The following CD99L2 variants were observed in gnomAD, a reference collection of about 807,000 sequenced individuals.
The protein encoded by CD99L2 is CD99 antigen-like protein 2.
Under a neutral mutation model 27.3 loss-of-function variants are expected in CD99L2, and 24 were observed. That is an observed-to-expected ratio of 0.88 (90% CI 0.64 to 1.24). The LOEUF (loss-of-function observed/expected upper bound fraction) is 1.24. Ranked by LOEUF, CD99L2 falls within the 50% of genes most tolerant of loss-of-function variation. The pLI is 0.00. For synonymous variants in CD99L2, 97 were observed against 87.9 expected (o/e 1.10, Z -0.58); for missense variants, 255 against 221.6 (o/e 1.15, Z -0.96).
intron 2 of CD99L2, among the ~76,000 whole-genome samples, chrX:150,824,125 G>A (rs1390944964): frequency 2.3e-5 from 1 of 43,655 alleles, no homozygotes. Context: ...AAGAAGGAAG[G>A]AGGAGGAGGA....
At chrX:150,823,540 C>G (rs2046271910) in intron 2 of CD99L2, among the ~76,000 whole-genome samples, 1 of 111,649 alleles carries the variant, frequency 9.0e-6, no homozygotes, top group Non-Finnish European at 1.9e-5. Context: ...CCTGCCTCAC[C>G]CTCCCCAAGT....
intron 2 of CD99L2, among the ~76,000 whole-genome samples, chrX:150,827,949 A>C (rs1557420970): frequency 8.9e-6 from 1 of 111,963 alleles, no homozygotes; most frequent in East Asian, 2.8e-4. Context: ...AACTGACCAT[A>C]GATCTAAGGG....
intron 1 of CD99L2, among the ~76,000 whole-genome samples, chrX:150,848,001 T>C (rs1371811789): frequency 9.1e-6 from 1 of 109,987 alleles, no homozygotes; most frequent in Non-Finnish European, 1.9e-5. Flanking sequence ...GGAGTCCTCC[T>C]TTTTCCTTTT....
chrX:150,790,575 C>G (rs1258615943), intron 7 of CD99L2, among the ~76,000 whole-genome samples: 1 of 111,530 alleles, frequency 9.0e-6, no homozygotes, highest in Non-Finnish European at 1.9e-5. Context: ...ACACTGGACT[C>G]TAGTTGGTAA....
At chrX:150,849,833 C>G (rs1039098049) in intron 1 of CD99L2, among the ~76,000 whole-genome samples, 87 of 111,779 alleles carry the variant, frequency 7.8e-4, no homozygotes, top group African/African-American at 2.7e-3. Flanking sequence ...GAGTAAGAAC[C>G]CACTGATTCC....
At chrX:150,869,342 C>T (rs1049770567) in intron 1 of CD99L2, among the ~76,000 whole-genome samples, 5 of 111,881 alleles carry the variant, frequency 4.5e-5, no homozygotes, top group Admixed American at 1.9e-4. Context: ...CACCCACATC[C>T]GACCCATCAA....
chrX:150,778,682 A>AT (rs1569565877), intron 7 of CD99L2, among the ~76,000 whole-genome samples: 1,218 of 20,311 alleles, frequency 0.06, 27 homozygotes, highest in African/African-American at 0.093. Flanking sequence ...ATAAAAAAAA[A>AT]AAAATATATA....
At chrX:150,814,743 C>G in intron 4 of CD99L2, 119 bp downstream of exon 4, 1 of 579,541 alleles carries the variant, frequency 1.7e-6, no homozygotes. Context: ...ACAGGGTTCT[C>G]CAGTGGCTTG....
At chrX:150,861,804 G>A (rs2046981948) in intron 1 of CD99L2, among the ~76,000 whole-genome samples, 1 of 109,642 alleles carries the variant, frequency 9.1e-6, no homozygotes, top group African/African-American at 3.3e-5. Flanking sequence ...TACTCGGGAG[G>A]CTGAGGCAGG....
intron 1 of CD99L2, among the ~76,000 whole-genome samples, chrX:150,837,689 A>G (rs2046554434): frequency 8.9e-6 from 1 of 112,559 alleles, no homozygotes; most frequent in African/African-American, 3.2e-5. Flanking sequence ...CAATTTGAAG[A>G]ACAAAATAAA....
intron 4 of CD99L2, among the ~76,000 whole-genome samples, chrX:150,802,249 T>C (rs782476998): frequency 9.0e-6 from 1 of 111,202 alleles, no homozygotes; most frequent in East Asian, 2.9e-4. Flanking sequence ...AACCCAAAAT[T>C]AGCCATTCAC....
intron 6 of CD99L2, among the ~76,000 whole-genome samples, chrX:150,794,637 G>C (rs782323925): frequency 2.1e-4 from 24 of 111,984 alleles, no homozygotes; most frequent in South Asian, 1.9e-3. Flanking sequence ...GCTTTTGTTG[G>C]GGCCAAGTTT....
chrX:150,768,600 A>G lies in CD99L2; in HGVS notation c.*434T>C. 7.6e-6 allele frequency: 1 copy of G among 131,020 alleles called. No individual in the cohort carries two copies. The highest frequency in any genetic ancestry group is 1.5e-5 in the Non-Finnish European group (1 of 65,322). 10.8% of individuals were successfully genotyped at this position (131,020 alleles called of 1,213,427 possible). On this transcript the variant is annotated 3_prime_UTR_variant, in exon 11 of 11. Transcript: ENST00000370377. ...CCTGCAGCTCCTTGAGGCCACTGTC[A>G]GGGGCTGTCTATTGGCAGAAACCTG...
intron 1 of CD99L2, among the ~76,000 whole-genome samples, chrX:150,845,020 C>G (rs782413691): frequency 1.8e-5 from 2 of 112,392 alleles, no homozygotes; most frequent in African/African-American, 6.4e-5. Flanking sequence ...AATTTAAATG[C>G]AGGGGAAGGA....
chrX:150,826,062 G>A (rs2046362715), intron 2 of CD99L2, among the ~76,000 whole-genome samples: 1 of 111,362 alleles, frequency 9.0e-6, no homozygotes, highest in Non-Finnish European at 1.9e-5. Context: ...TCTCACAAAT[G>A]GGATTAGTGC....
rs1237722718 is a variant in CD99L2, at chrX:150,824,381, A to AAG, written c.130+6849_130+6850insCT. On this transcript the variant is annotated intron_variant, in intron 2 of 10. Coordinates refer to ENST00000370377, the MANE Select transcript of CD99L2 (RefSeq NM_031462.4). Reference sequence around the variant, plus strand: ...AAGAAGGAAGAAGAAGAAGAAGAAGAAAGAAGAAGAAGAAGAAGAAAGAAG... The same window carrying AAG: ...AAGAAGGAAGAAGAAGAAGAAGAAGAAGAAGAAGAAGAAGAAGAAGAAAGAAG... Among the ~76,000 whole-genome samples, 25 of 86,636 alleles carry AAG rather than the reference A, an allele frequency of 2.9e-4. 1 individual carries two copies. Among genetic ancestry groups the AAG allele is most frequent in the African/African-American group, 9.7e-4 (22 of 22,796 alleles). 75.2% of individuals were successfully genotyped at this position (86,636 alleles called of 115,157 possible). A position where few individuals can be genotyped will look rare whatever the true frequency, so the allele number is the denominator to read the frequency against.
intron 9 of CD99L2, among the ~76,000 whole-genome samples, chrX:150,773,378 C>G (rs939349324): frequency 4.4e-5 from 5 of 113,075 alleles, no homozygotes; most frequent in African/African-American, 1.6e-4. Context: ...GCGCACGATG[C>G]CCGGGACACT....
chrX:150,814,494 CA>C (rs2046121169), intron 4 of CD99L2, among the ~76,000 whole-genome samples: 1 of 112,510 alleles, frequency 8.9e-6, no homozygotes, highest in East Asian at 2.8e-4. Context: ...AAAAATGTAA[CA>C]GCGTGCCGCT....
At chrX:150,868,735 T>C (rs1216373844) in intron 1 of CD99L2, among the ~76,000 whole-genome samples, 1 of 111,978 alleles carries the variant, frequency 8.9e-6, no homozygotes, top group Non-Finnish European at 1.9e-5. Context: ...CATATATGAG[T>C]GAGAACATGT....
Sources: allele counts gnomAD v4.1 joint callset (sites outside exome capture counted in the v4.1 genomes callset), GRCh38; gene constraint gnomAD v4.1.1; transcripts MANE v1.5; gene names NCBI Gene and HGNC (gene_info 2026-07-23, HGNC 2026-07-21).